Variants in LUZP2 observed in about 807,000 individuals in gnomAD.
The protein encoded by LUZP2 is leucine zipper protein 2.
In LUZP2, 52 loss-of-function variants were observed where a neutral mutation model predicts 51.6. That is an observed-to-expected ratio of 1.01 (90% CI 0.81 to 1.27). The LOEUF is 1.27. LUZP2 is among the 50% of genes most tolerant of loss of function. LUZP2 has a pLI of 0.00. For synonymous variants in LUZP2, 154 were observed against 137.3 expected, an observed-to-expected ratio of 1.12 and a Z score of -0.85; for missense variants, 436 against 395.4, an observed-to-expected ratio of 1.10 and a Z score of -0.87.
intron 7 of LUZP2, among the ~76,000 whole-genome samples, chr11:24,949,563 A>C (rs1855014891): frequency 6.6e-6 from 1 of 151,540 alleles, no homozygotes; most frequent in Non-Finnish European, 1.5e-5. Context: ...GTAAGTGAAC[A>C]TGTGTGTGTT....
intron 5 of LUZP2, among the ~76,000 whole-genome samples, chr11:24,778,274 G>C (rs1339389562): frequency 6.6e-6 from 1 of 151,958 alleles, no homozygotes; most frequent in Non-Finnish European, 1.5e-5. Context: ...AAATCAGCCG[G>C]GCATCGTGAT....
chr11:24,941,046 T>C (rs1245016363), intron 7 of LUZP2, among the ~76,000 whole-genome samples: 1 of 152,172 alleles, frequency 6.6e-6, no homozygotes, highest in Non-Finnish European at 1.5e-5. Flanking sequence ...GGAAATAGGA[T>C]TGAGATTTAC....
chr11:24,583,509 A>C (rs2133826374), intron 1 of LUZP2, among the ~76,000 whole-genome samples: 1 of 147,794 alleles, frequency 6.8e-6, no homozygotes, highest in African/African-American at 2.5e-5. Flanking sequence ...GTCATAACAT[A>C]ACTTTTAATA....
intron 9 of LUZP2, among the ~76,000 whole-genome samples, chr11:25,024,186 C>G (rs1164420361): frequency 6.6e-6 from 1 of 152,078 alleles, no homozygotes; most frequent in Non-Finnish European, 1.5e-5. Flanking sequence ...TCCTGGATAT[C>G]CTTGTTAACT....
At chr11:24,868,027 C>T (rs1218593420) in intron 5 of LUZP2, among the ~76,000 whole-genome samples, 2 of 152,074 alleles carry the variant, frequency 1.3e-5, no homozygotes, top group Non-Finnish European at 2.9e-5. Context: ...ATCTTCACAG[C>T]TCTCATTAGA....
chr11:24,694,776 A>G (rs555974716), intron 1 of LUZP2, among the ~76,000 whole-genome samples: 53 of 151,974 alleles, frequency 3.5e-4, no homozygotes, highest in Admixed American at 2.2e-3. Context: ...TTTCAGGGAC[A>G]TGGATGAAGC....
At chr11:24,763,405 T>A in intron 5 of LUZP2, 97 bp downstream of exon 5, 2 of 462,998 alleles carry the variant, frequency 4.3e-6, no homozygotes, top group Non-Finnish European at 7.6e-6. Flanking sequence ...ATTAAACACT[T>A]GCATATTTAA....
At position 24,881,147 on chromosome 11, in the gene LUZP2, G is replaced by A. The variant is rs1211750711; in HGVS notation, c.397-24844G>A. On this transcript the variant is annotated intron_variant, in intron 5 of 11. Transcript: ENST00000336930. The stretch of plus-strand genomic sequence containing the variant: ...CTGTGGTATATGAATTTAATTATTT[G>A]TAGTAATCATAACTTATGAGTTTAT... 3.9e-5 allele frequency among the ~76,000 whole-genome samples: 6 copies of A among 152,106 alleles called. No individual in the cohort carries two copies. In the East Asian group the frequency reaches 1.2e-3, roughly 29 times the overall value.
At chr11:24,979,569 A>T (rs1021448409) in intron 8 of LUZP2, among the ~76,000 whole-genome samples, 1 of 151,876 alleles carries the variant, frequency 6.6e-6, no homozygotes, top group African/African-American at 2.4e-5. Flanking sequence ...GATTCTTATG[A>T]CATATTTAAT....
At chr11:24,537,081 C>T (rs942508072) in intron 1 of LUZP2, among the ~76,000 whole-genome samples, 44 of 151,808 alleles carry the variant, frequency 2.9e-4, no homozygotes, top group African/African-American at 9.9e-4. Flanking sequence ...TGGTTTGTGG[C>T]AACCCAAAAT....
chr11:24,930,317 A>G (rs1469372147), intron 7 of LUZP2, among the ~76,000 whole-genome samples: 10 of 152,050 alleles, frequency 6.6e-5, no homozygotes, highest in Admixed American at 3.9e-4. Context: ...TTATTGTTGT[A>G]TGAGTCCTGT....
In LUZP2 at chr11:24,826,175, C is replaced by CAAA. The variant is rs10625331; in HGVS notation, c.396+62881_396+62883dup. 3.2e-3 allele frequency among the ~76,000 whole-genome samples: 191 copies of CAAA among 60,090 alleles called. 3 individuals carry two copies. Among genetic ancestry groups the CAAA allele is most frequent in the South Asian group, 0.028 (33 of 1,178 alleles). 39.4% of individuals were successfully genotyped at this position (60,090 alleles called of 152,430 possible). A position where few individuals can be genotyped will look rare whatever the true frequency, so the allele number is the denominator to read the frequency against. ...TAGGCGACAGAGCGAGACTCCATCT[C>CAAA]AAAAAAAAAAAAAAAATATATATAT... On this transcript the variant is annotated intron_variant, in intron 5 of 11. Transcript: ENST00000336930.
At chr11:24,518,676 T>A (rs2133794669) in intron 1 of LUZP2, among the ~76,000 whole-genome samples, 1 of 152,302 alleles carries the variant, frequency 6.6e-6, no homozygotes, top group Non-Finnish European at 1.5e-5. Context: ...TGTTTGTGCC[T>A]AGTTCAAAGT....
chr11:24,593,012 T>C (rs1186814868), intron 1 of LUZP2, among the ~76,000 whole-genome samples: 1 of 152,114 alleles, frequency 6.6e-6, no homozygotes, highest in East Asian at 1.9e-4. Flanking sequence ...TCTTGTTTAT[T>C]TTGACACCTC....
intron 7 of LUZP2, among the ~76,000 whole-genome samples, chr11:24,968,495 G>T (rs1465962533): frequency 6.6e-6 from 1 of 151,994 alleles, no homozygotes; most frequent in East Asian, 1.9e-4. Flanking sequence ...AGAGTTTATG[G>T]GTGTCTCTGG....
chr11:24,992,642 GA>G (rs1302549006), intron 9 of LUZP2, among the ~76,000 whole-genome samples: 2 of 152,018 alleles, frequency 1.3e-5, no homozygotes, highest in Non-Finnish European at 2.9e-5. Context: ...TTACTTCCAG[GA>G]AGCATTGCTC....
chr11:25,016,821 T>C (rs539823480), intron 9 of LUZP2, among the ~76,000 whole-genome samples: 2 of 152,246 alleles, frequency 1.3e-5, no homozygotes, highest in Admixed American at 1.3e-4. Context: ...GAATGGTAGA[T>C]CTACTTTTAG....
chr11:24,605,493 A>C (rs199979883), intron 1 of LUZP2, among the ~76,000 whole-genome samples: 9 of 151,702 alleles, frequency 5.9e-5, no homozygotes, highest in Non-Finnish European at 1.3e-4. Flanking sequence ...AATAAAATGA[A>C]TATATCTCAA....
intron 9 of LUZP2, among the ~76,000 whole-genome samples, chr11:25,044,615 C>A (rs901770589): frequency 4.6e-5 from 7 of 152,014 alleles, no homozygotes; most frequent in Non-Finnish European, 1.0e-4. Flanking sequence ...AATGGTGGGA[C>A]TGTAAACTAG....
Sources: gnomAD v4.1 joint callset for allele counts (sites outside exome capture counted in the v4.1 genomes callset) on GRCh38, gnomAD v4.1.1 for gene constraint, MANE v1.5 for transcripts, NCBI Gene and HGNC (gene_info 2026-07-23, HGNC 2026-07-21) for gene names.